BMP5: variants seen among roughly 807,000 people sequenced by gnomAD.
BMP5 encodes bone morphogenetic protein 5.
BMP5 carries 23 observed loss-of-function variants against 46.6 expected under a neutral mutation model. The ratio of observed to expected loss-of-function variants is 0.49; its 90% CI spans 0.35 to 0.70. The LOEUF is 0.70. Ranked by LOEUF, BMP5 falls within the 30% of genes least tolerant of loss-of-function variation. BMP5 has a pLI of 0.00. For missense variants in BMP5, 545 were observed against 565.6 expected, an observed-to-expected ratio of 0.96 and a Z score of 0.37; for synonymous variants, 204 against 191.9, an observed-to-expected ratio of 1.06 and a Z score of -0.52.
chr6:55,859,222 G>A lies in BMP5; in HGVS notation c.490+15154C>T, dbSNP rs111728537. ...GTTAGTTTCAATTATCAGTGTTCCTGGGTTCATTTTCCTCAGGAACTCCTC... is the reference window on the plus strand; with the variant it reads ...GTTAGTTTCAATTATCAGTGTTCCTAGGTTCATTTTCCTCAGGAACTCCTC... On this transcript the variant is annotated intron_variant, in intron 1 of 6. Transcript: ENST00000370830. Among the ~76,000 whole-genome samples the A allele has an allele frequency of 4.2e-3, 633 of 152,212 alleles. 6 individuals are homozygous for A. The highest frequency in any genetic ancestry group is 0.015 in the African/African-American group (609 of 41,540).
chr6:55,841,188 C>A (rs759659245), intron 1 of BMP5, among the ~76,000 whole-genome samples: 3 of 152,188 alleles, frequency 2.0e-5, no homozygotes, highest in Non-Finnish European at 4.4e-5. Context: ...AAATTGTCTT[C>A]CTCAAAACCA....
chr6:55,765,773 AG>A (rs1774902884), intron 4 of BMP5, among the ~76,000 whole-genome samples: 1 of 152,152 alleles, frequency 6.6e-6, no homozygotes, highest in South Asian at 2.1e-4. Flanking sequence ...GTGTTTGTGT[AG>A]GTACCAATGT....
chr6:55,837,047 A>G (rs914229317), intron 1 of BMP5, among the ~76,000 whole-genome samples: 2 of 151,502 alleles, frequency 1.3e-5, no homozygotes, highest in African/African-American at 4.9e-5. Context: ...AAAGTTTTAA[A>G]GTAACTTTTT....
intron 2 of BMP5, among the ~76,000 whole-genome samples, chr6:55,815,043 G>A (rs1387033633): frequency 6.7e-6 from 1 of 149,102 alleles, no homozygotes; most frequent in Non-Finnish European, 1.5e-5. Context: ...TGAGGCAGGA[G>A]TATCGCTTGA....
chr6:55,793,930 A>G (rs1775638288), intron 3 of BMP5, among the ~76,000 whole-genome samples: 1 of 152,132 alleles, frequency 6.6e-6, no homozygotes, highest in Non-Finnish European at 1.5e-5. Flanking sequence ...ATTTTTACAA[A>G]TCGTATAGTT....
intron 1 of BMP5, among the ~76,000 whole-genome samples, chr6:55,820,423 A>ATT (rs5876467): frequency 6.7e-5 from 10 of 150,372 alleles, no homozygotes; most frequent in African/African-American, 7.3e-5. Context: ...TCTTAAAAAC[A>ATT]TTTTTTTTTT....
chr6:55,871,918 T>C (rs1057332300), intron 1 of BMP5, among the ~76,000 whole-genome samples: 1 of 151,860 alleles, frequency 6.6e-6, no homozygotes, highest in African/African-American at 2.4e-5. Context: ...ACTATATGCA[T>C]GTCTTTTAAG....
chr6:55,815,173 A>C (rs1014631429), intron 2 of BMP5, among the ~76,000 whole-genome samples: 1 of 151,484 alleles, frequency 6.6e-6, no homozygotes, highest in African/African-American at 2.4e-5. Context: ...ACGAAGTATG[A>C]GTCTCTGTGA....
chr6:55,828,625 A>T (rs779260332), intron 1 of BMP5, among the ~76,000 whole-genome samples: 1 of 151,804 alleles, frequency 6.6e-6, no homozygotes, highest in Non-Finnish European at 1.5e-5. Flanking sequence ...AGTGTATTCA[A>T]TGTTTATCTT....
intron 2 of BMP5, among the ~76,000 whole-genome samples, chr6:55,809,467 G>GA (rs1279079150): frequency 2.0e-5 from 3 of 151,792 alleles, no homozygotes; most frequent in African/African-American, 7.3e-5. Context: ...TTCTACTGGA[G>GA]AAAAAAATGG....
At chr6:55,805,082 A>C (rs1430366133) in intron 2 of BMP5, among the ~76,000 whole-genome samples, 3 of 152,170 alleles carry the variant, frequency 2.0e-5, no homozygotes, top group African/African-American at 7.2e-5. Flanking sequence ...ACTGGATGGG[A>C]TGCCCATTCA....
At chr6:55,764,466 A>G (rs547995929) in intron 4 of BMP5, among the ~76,000 whole-genome samples, 5 of 151,742 alleles carry the variant, frequency 3.3e-5, no homozygotes, top group Admixed American at 1.3e-4. Context: ...CCAGCTACTC[A>G]GGAGGCTGAG....
intron 1 of BMP5, chr6:55,865,531 C>T: frequency 2.5e-6 from 1 of 393,988 alleles, no homozygotes; most frequent in Non-Finnish European, 5.0e-6. Flanking sequence ...TTCCAAAGCA[C>T]TCTAGTGGGG....
At chr6:55,758,396 C>A (rs570990402) in intron 6 of BMP5, among the ~76,000 whole-genome samples, 118 of 151,702 alleles carry the variant, frequency 7.8e-4, no homozygotes, top group Non-Finnish European at 1.5e-3. Flanking sequence ...ATCACGTCAA[C>A]CCTTCAGTAC....
intron 3 of BMP5, among the ~76,000 whole-genome samples, chr6:55,791,563 T>C (rs1381123516): frequency 1.3e-5 from 2 of 152,020 alleles, no homozygotes. Flanking sequence ...AAATTACCCA[T>C]GTAATATAAG....
At chr6:55,854,454 T>A (rs1463292233) in intron 1 of BMP5, among the ~76,000 whole-genome samples, 1 of 152,068 alleles carries the variant, frequency 6.6e-6, no homozygotes, top group Non-Finnish European at 1.5e-5. Context: ...CTGTATTTTT[T>A]TCTTATTTTA....
chr6:55,854,132 ATTTCTTTGTGTTTAAGACATTTTC>A (rs1251571525), intron 1 of BMP5, among the ~76,000 whole-genome samples: 3 of 152,138 alleles, frequency 2.0e-5, no homozygotes, highest in African/African-American at 7.2e-5. Flanking sequence ...TTTCTAACCA[ATTTCTTTGTGTTTAAGACATTTTC>A]TACTTTTATA....
At chr6:55,779,187 GT>G (rs1775248494) in intron 3 of BMP5, among the ~76,000 whole-genome samples, 1 of 152,048 alleles carries the variant, frequency 6.6e-6, no homozygotes, top group African/African-American at 2.4e-5. Context: ...AGGATACACA[GT>G]TTGAAAAACA....
At chr6:55,864,239 G>A (rs371439840) in intron 1 of BMP5, among the ~76,000 whole-genome samples, 1 of 152,154 alleles carries the variant, frequency 6.6e-6, no homozygotes, top group African/African-American at 2.4e-5. Context: ...TTATCACTAC[G>A]ATTTGAGTAT....
Sources: allele counts gnomAD v4.1 joint callset (sites outside exome capture counted in the v4.1 genomes callset), GRCh38; gene constraint gnomAD v4.1.1; transcripts MANE v1.5; gene names NCBI Gene and HGNC (gene_info 2026-07-23, HGNC 2026-07-21).